Variants in DNAH12 observed in about 807,000 individuals in gnomAD.
The protein encoded by DNAH12 is dynein axonemal heavy chain 12.
A neutral mutation model predicts 371.5 loss-of-function variants in DNAH12; 285 were observed. The observed-to-expected ratio is 0.77, with a 90% CI of 0.70 to 0.85. DNAH12 has a LOEUF of 0.85. Among genes scored for constraint, DNAH12 ranks in the 40% least tolerant of loss-of-function variants. The probability of loss-of-function intolerance (pLI) is 0.00; values close to 1 mark genes in which losing one functional copy is unlikely to be tolerated. For missense variants in DNAH12, 3,611 were observed against 3,689.4 expected (o/e 0.98, Z 0.55); for synonymous variants, 1,200 against 1,213.0 (o/e 0.99, Z 0.22).
rs2065510914 is a variant in DNAH12 at position 57,446,705 on chromosome 3, C to T, written c.3787-16G>A. ...AAGCACCTATCTGAAATGAAAAACA[C>T]ATGTGAAAAGAAATCCATGCTTAAA... On this transcript the variant is annotated splice_polypyrimidine_tract_variant and intron_variant, in intron 25 of 73. Transcript: ENST00000495027. 7 of 1,474,204 alleles carry T rather than the reference C, an allele frequency of 4.7e-6. No homozygotes were observed. Among genetic ancestry groups the T allele is most frequent in the Non-Finnish European group, 6.3e-6 (7 of 1,107,026 alleles). The allele number at this position is 1,474,204 out of a possible 1,614,324, so 91.3% of individuals were successfully genotyped here.
intron 16 of DNAH12, among the ~76,000 whole-genome samples, chr3:57,469,561 C>A (rs1288536737): frequency 1.3e-5 from 2 of 152,150 alleles, no homozygotes; most frequent in African/African-American, 4.8e-5. Flanking sequence ...TTCACAATAG[C>A]AAAGACATGG....
At chr3:57,550,505 T>C in the DNAH12 span, among the ~76,000 whole-genome samples, 3 of 152,202 alleles carry the variant, frequency 2.0e-5, no homozygotes, top group African/African-American at 7.2e-5. Context: ...CATTTTTCCA[T>C]ACATTTATTT....
At chr3:57,299,506 A>G (rs530732) in intron 70 of DNAH12, among the ~76,000 whole-genome samples, 2 of 132,734 alleles carry the variant, frequency 1.5e-5, no homozygotes, top group Non-Finnish European at 3.3e-5. Flanking sequence ...TTTTTTTTTT[A>G]AAAAAAAGGC....
chr3:57,520,777 GC>G (rs1283869039), intron 4 of DNAH12, among the ~76,000 whole-genome samples: 1 of 151,834 alleles, frequency 6.6e-6, no homozygotes, highest in East Asian at 1.9e-4. Flanking sequence ...CTTTCATACT[GC>G]TGAGTTTAAA....
At chr3:57,296,080 A>C (rs1362524800) in intron 72 of DNAH12, among the ~76,000 whole-genome samples, 2 of 152,190 alleles carry the variant, frequency 1.3e-5, no homozygotes, top group Admixed American at 6.5e-5. Flanking sequence ...AAATAGAAGG[A>C]AACTGTTATA....
intron 58 of DNAH12, among the ~76,000 whole-genome samples, chr3:57,358,432 A>C (rs1342469812): frequency 2.3e-5 from 2 of 86,580 alleles, no homozygotes; most frequent in Non-Finnish European, 6.5e-5. Context: ...CAGAAACTTA[A>C]GGCCTTCCGT....
In DNAH12 at chr3:57,389,798, A is replaced by ATGTGTGTGTGTGTGTGTGTG. The variant is rs1211815764; in HGVS notation, c.7305+2054_7305+2073dup. Among the ~76,000 whole-genome samples, 585 of 92,276 alleles carry ATGTGTGTGTGTGTGTGTGTG rather than the reference A, an allele frequency of 6.3e-3. 17 individuals carry two copies. The highest frequency in any genetic ancestry group is 0.031 in the East Asian group (66 of 2,108). The allele number at this position is 92,276 out of a possible 152,430, so 60.5% of individuals were successfully genotyped here. A position where few individuals can be genotyped will look rare whatever the true frequency, so the allele number is the denominator to read the frequency against. On this transcript the variant is annotated intron_variant, in intron 45 of 73. Coordinates refer to ENST00000495027, the MANE Select transcript of DNAH12 (RefSeq NM_001366028.2). The stretch of plus-strand genomic sequence containing the variant: ...TATACATATAAATATATATACACAT[A>ATGTGTGTGTGTGTGTGTGTG]TGTGTGTGTGTGTGTGTGTGTGTGT...
intron 69 of DNAH12, among the ~76,000 whole-genome samples, chr3:57,307,495 T>C (rs2061496819): frequency 6.6e-6 from 1 of 152,226 alleles, no homozygotes; most frequent in Admixed American, 6.5e-5. Context: ...TTGACCTTAC[T>C]GTTTTGCCTA....
At position 57,423,822 on chromosome 3, in the gene DNAH12, A is replaced by AT. The variant is rs200911652; in HGVS notation, c.5373+1199dup. On this transcript the variant is annotated intron_variant, in intron 35 of 73. Coordinates refer to ENST00000495027, the MANE Select transcript of DNAH12 (RefSeq NM_001366028.2). ...TGGCTGGATGCCTATTCCTGGTTTT[A>AT]TTTTTTTTTGAGATGGAGCAATTCT... Among the ~76,000 whole-genome samples, 1,182 of 150,972 alleles carry AT rather than the reference A, an allele frequency of 7.8e-3. 11 individuals are homozygous for AT. The highest frequency in any genetic ancestry group is 0.02 in the Middle Eastern group (6 of 294).
intron 43 of DNAH12, among the ~76,000 whole-genome samples, chr3:57,397,567 T>C (rs948817890): frequency 6.4e-4 from 98 of 152,144 alleles, no homozygotes; most frequent in Non-Finnish European, 1.1e-3. Context: ...GTGAGTTCCC[T>C]GGTGGGTTAG....
intron 52 of DNAH12, among the ~76,000 whole-genome samples, chr3:57,378,246 G>C (rs1428313715): frequency 6.6e-6 from 1 of 151,968 alleles, no homozygotes; most frequent in Non-Finnish European, 1.5e-5. Context: ...TGGCTTCTCT[G>C]CTTTGTAGAA....
intron 70 of DNAH12, chr3:57,297,287 G>A (rs2107642994): frequency 5.9e-6 from 2 of 336,196 alleles, no homozygotes; most frequent in East Asian, 1.2e-4. Flanking sequence ...CCACTCAAAA[G>A]CAACCATCAT....
At chr3:57,338,576 G>A (rs148589168) in intron 60 of DNAH12, among the ~76,000 whole-genome samples, 4,540 of 147,350 alleles carry the variant, frequency 0.031, 94 homozygotes, top group Non-Finnish European at 0.051. Context: ...AGTGAGGAGC[G>A]CCTCTGCCCG....
At position 57,334,568 on chromosome 3, in the gene DNAH12, T is replaced by C. The variant is rs546443959; in HGVS notation, c.9875A>G (p.Tyr3292Cys). 1.2e-5 allele frequency: 18 copies of C among 1,550,268 alleles called. No homozygotes were observed. The African/African-American group carries it at 2.1e-4, about 18-fold the overall frequency. ...CEHIYEWREIYDSKEPHNAKF... is the reference protein window; with the variant it reads ...CEHIYEWREICDSKEPHNAKF... The stretch of plus-strand genomic sequence containing the variant: ...AGCATTATGTGGCTCTTTACTGTCA[T>C]AGATTTCTCGCCATTCATATATATG... Residue 3292 changes from tyrosine (Y) to cysteine (C), a missense_variant, in exon 62 of 74, where the codon TAT (tyrosine) becomes TGT (cysteine). This residue lies in a region of DNAH12 where 2,266 missense variants were observed against 2,236.9 expected (regional missense o/e 1.01). Coordinates refer to ENST00000495027, the MANE Select transcript of DNAH12 (RefSeq NM_001366028.2).
chr3:57,342,484 C>CA (rs71088060), intron 60 of DNAH12, among the ~76,000 whole-genome samples: 25,409 of 66,016 alleles, frequency 0.38, 5,051 homozygotes, highest in South Asian at 0.47. Context: ...ACTAAAAATA[C>CA]AAAAAAAAAA....
intron 70 of DNAH12, among the ~76,000 whole-genome samples, chr3:57,297,882 A>C (rs2061266486): frequency 6.6e-6 from 1 of 152,216 alleles, no homozygotes; most frequent in African/African-American, 2.4e-5. Flanking sequence ...CAAATTGTTC[A>C]GTGATGCACC....
intron 4 of DNAH12, among the ~76,000 whole-genome samples, chr3:57,521,760 G>A (rs1315085642): frequency 8.6e-5 from 13 of 151,732 alleles, no homozygotes; most frequent in African/African-American, 3.2e-4. Context: ...GGTGGCAGGC[G>A]CCTGTAATCT....
intron 37 of DNAH12, among the ~76,000 whole-genome samples, chr3:57,418,124 C>A (rs1019121872): frequency 2.9e-4 from 44 of 151,616 alleles, no homozygotes; most frequent in African/African-American, 7.8e-4. Flanking sequence ...GCACTGCATT[C>A]CAGCCTGGGA....
At chr3:57,418,763 T>C (rs2064473152) in intron 37 of DNAH12, among the ~76,000 whole-genome samples, 1 of 152,190 alleles carries the variant, frequency 6.6e-6, no homozygotes, top group Admixed American at 6.5e-5. Flanking sequence ...ATGACATTTA[T>C]GATTATATAA....
Sources: gnomAD v4.1 joint callset for allele counts (sites outside exome capture counted in the v4.1 genomes callset) on GRCh38, gnomAD v4.1.1 for gene constraint, gnomAD v4.1.1 regional missense constraint, MANE v1.5 for transcripts, NCBI Gene and HGNC (gene_info 2026-07-23, HGNC 2026-07-21) for gene names.